Variants in DSCAM observed in about 807,000 individuals in gnomAD.
DSCAM encodes the protein DS cell adhesion molecule, also known as cell adhesion molecule DSCAM.
A neutral mutation model predicts 217.7 loss-of-function variants in DSCAM; 47 were observed. The ratio of observed to expected loss-of-function variants is 0.22; its 90% CI spans 0.17 to 0.28. DSCAM has a LOEUF of 0.28. Among genes scored for constraint, DSCAM ranks in the 10% least tolerant of loss-of-function variants. DSCAM has a pLI of 1.00. For missense variants in DSCAM, 2,080 were observed against 2,618.3 expected, an observed-to-expected ratio of 0.79 and a Z score of 4.49; for synonymous variants, 1,056 against 1,015.3, an observed-to-expected ratio of 1.04 and a Z score of -0.76.
chr21:40,147,069 T>A (rs1169340877), intron 16 of DSCAM, among the ~76,000 whole-genome samples: 3 of 152,212 alleles, frequency 2.0e-5, no homozygotes, highest in Non-Finnish European at 4.4e-5. Context: ...AATAATATTA[T>A]TTTTTAAATG....
At chr21:40,832,923 AACCTC>A (rs60094699) in intron 1 of DSCAM, among the ~76,000 whole-genome samples, 79,488 of 131,702 alleles carry the variant, frequency 0.6, 21,103 homozygotes, top group East Asian at 0.67. Flanking sequence ...TAAGTTAACG[AACCTC>A]ACCTCAAAAA....
chr21:40,715,143 T>C (rs943785021), intron 1 of DSCAM, among the ~76,000 whole-genome samples: 2 of 152,234 alleles, frequency 1.3e-5, no homozygotes, highest in Non-Finnish European at 2.9e-5. Context: ...TATTCTGTTT[T>C]AGTAGCAGAA....
chr21:40,587,704 G>T (rs926085), intron 3 of DSCAM, among the ~76,000 whole-genome samples: 69,934 of 151,926 alleles, frequency 0.46, 16,714 homozygotes, highest in Admixed American at 0.55. Flanking sequence ...TATTGTAAAG[G>T]TCATTTTCTG....
At chr21:40,390,910 T>C (rs2075128191) in intron 3 of DSCAM, among the ~76,000 whole-genome samples, 2 of 152,152 alleles carry the variant, frequency 1.3e-5, no homozygotes, top group African/African-American at 2.4e-5. Flanking sequence ...GGGGACACAA[T>C]TGAATCTATT....
chr21:40,053,676 C>T (rs967138879), intron 29 of DSCAM, among the ~76,000 whole-genome samples: 2 of 152,190 alleles, frequency 1.3e-5, no homozygotes, highest in Non-Finnish European at 2.9e-5. Flanking sequence ...ATGCCATCGA[C>T]CCATTGTCAG....
At chr21:40,708,383 CTA>C in intron 2 of DSCAM, 69 bp downstream of exon 2, 3 of 1,269,298 alleles carry the variant, frequency 2.4e-6, no homozygotes, top group Non-Finnish European at 3.1e-6. Context: ...TGGCATTTTG[CTA>C]TGTGTCATTG....
intron 16 of DSCAM, among the ~76,000 whole-genome samples, chr21:40,153,308 G>A (rs1019550609): frequency 3.3e-5 from 5 of 152,208 alleles, no homozygotes; most frequent in African/African-American, 9.7e-5. Context: ...GATACTTGCA[G>A]TGCTGAAGGT....
chr21:40,083,215 G>T (rs912155493), intron 24 of DSCAM, among the ~76,000 whole-genome samples: 5 of 152,198 alleles, frequency 3.3e-5, no homozygotes, highest in African/African-American at 1.2e-4. Flanking sequence ...GATCACCTGA[G>T]GTCAGAAGTT....
At position 40,035,946 on chromosome 21, in the gene DSCAM, A is replaced by G. The variant is rs1346205339; in HGVS notation, c.5686+6425T>C. On this transcript the variant is annotated intron_variant, in intron 32 of 32. Transcript: ENST00000400454. Reference sequence around the variant, plus strand: ...TACATAACGAAATGAAGCTAGAAATAAAGATGTTCTTTGAAACCAACGAGA... The same window carrying G: ...TACATAACGAAATGAAGCTAGAAATGAAGATGTTCTTTGAAACCAACGAGA... Among the ~76,000 whole-genome samples, 6 of 149,214 alleles carry G rather than the reference A, an allele frequency of 4.0e-5. 2 individuals carry two copies. Among genetic ancestry groups the G allele is most frequent in the African/African-American group, 1.5e-4 (6 of 38,868 alleles).
intron 1 of DSCAM, among the ~76,000 whole-genome samples, chr21:40,789,962 A>T (rs140463075): frequency 6.6e-6 from 1 of 152,120 alleles, no homozygotes; most frequent in Non-Finnish European, 1.5e-5. Flanking sequence ...CACAAAGTCT[A>T]TATGGCTCTG....
chr21:40,708,866 T>C (rs1425857598), intron 1 of DSCAM, 95 bp from the exon 2 acceptor site: 2 of 940,160 alleles, frequency 2.1e-6, no homozygotes, highest in African/African-American at 3.4e-5. Context: ...TCCTGAAAAT[T>C]AATCATGAGG....
intron 3 of DSCAM, among the ~76,000 whole-genome samples, chr21:40,584,592 C>T (rs2076929970): frequency 6.6e-6 from 1 of 152,092 alleles, no homozygotes; most frequent in South Asian, 2.1e-4. Context: ...TCTCATCACA[C>T]CTCCCTCCCT....
rs111567369 is a variant in DSCAM, at chr21:40,592,551, C to T, written c.508+100259G>A. Among the ~76,000 whole-genome samples the T allele has an allele frequency of 4.9e-3, 739 of 152,280 alleles. 6 individuals carry two copies. The highest frequency in any genetic ancestry group is 0.017 in the African/African-American group (691 of 41,552). Reference sequence around the variant, plus strand: ...TGACCACTTCCTTAACTGTCCACTCCGAAACACCCCTTCTTCCTGTTCTTC... The same window carrying T: ...TGACCACTTCCTTAACTGTCCACTCTGAAACACCCCTTCTTCCTGTTCTTC... On this transcript the variant is annotated intron_variant, in intron 3 of 32. Coordinates refer to ENST00000400454, the MANE Select transcript of DSCAM (RefSeq NM_001389.5).
At chr21:40,538,999 C>T (rs1343586373) in intron 3 of DSCAM, among the ~76,000 whole-genome samples, 1 of 152,096 alleles carries the variant, frequency 6.6e-6, no homozygotes, top group Non-Finnish European at 1.5e-5. Context: ...TGAAAAGAAA[C>T]CCAGACAGAG....
At chr21:40,811,069 C>T (rs1006476049) in intron 1 of DSCAM, among the ~76,000 whole-genome samples, 4 of 152,152 alleles carry the variant, frequency 2.6e-5, no homozygotes, top group Non-Finnish European at 5.9e-5. Context: ...AATGGAGGCC[C>T]TGGCACAGAC....
At chr21:40,778,600 CTAAG>C (rs1390166359) in intron 1 of DSCAM, among the ~76,000 whole-genome samples, 1 of 151,976 alleles carries the variant, frequency 6.6e-6, no homozygotes, top group Non-Finnish European at 1.5e-5. Context: ...TATATACATT[CTAAG>C]TAAGTACAGT....
At chr21:40,358,609 C>T (rs893569801) in intron 4 of DSCAM, among the ~76,000 whole-genome samples, 2 of 152,126 alleles carry the variant, frequency 1.3e-5, no homozygotes, top group South Asian at 2.1e-4. Flanking sequence ...GAGTTCAAGA[C>T]GAGCCTGGCC....
chr21:40,633,658 A>G (rs951869843), intron 3 of DSCAM, among the ~76,000 whole-genome samples: 1 of 152,160 alleles, frequency 6.6e-6, no homozygotes, highest in Non-Finnish European at 1.5e-5. Context: ...AGAAGAAAGG[A>G]GGGGTTAGCT....
chr21:40,179,042 C>G lies in DSCAM; in HGVS notation c.2832G>C (p.Ser944=), dbSNP rs993712212. ...RTKDVSPQLN[S]ATIIDIHPSS... ...AAGGGTGGATATCAATGATGGTGGCCGAGTTCAGCTGAGGGGAAACATCTT... is the reference window on the plus strand; with the variant it reads ...AAGGGTGGATATCAATGATGGTGGCGGAGTTCAGCTGAGGGGAAACATCTT... Residue 944 remains serine, a synonymous_variant, in exon 15 of 33, where the codon TCG becomes TCC. Coordinates refer to ENST00000400454, the MANE Select transcript of DSCAM (RefSeq NM_001389.5). 6 of 1,613,806 alleles carry G rather than the reference C, an allele frequency of 3.7e-6. No individual in the cohort carries two copies. The highest frequency in any genetic ancestry group is 1.3e-5 in the African/African-American group (1 of 74,824).
Sources: allele counts gnomAD v4.1 joint callset (sites outside exome capture counted in the v4.1 genomes callset), GRCh38; gene constraint gnomAD v4.1.1; transcripts MANE v1.5; gene names NCBI Gene and HGNC (gene_info 2026-07-23, HGNC 2026-07-21).